Variants in DHFR2 observed in about 807,000 individuals in gnomAD.
DHFR2 encodes the protein dihydrofolate reductase 2.
A neutral mutation model predicts 12.0 loss-of-function variants in DHFR2; 11 were observed. The ratio of observed to expected loss-of-function variants is 0.92; its 90% CI spans 0.58 to 1.52. DHFR2 has a LOEUF of 1.52. Among genes scored for constraint, DHFR2 ranks in the 40% most tolerant of loss-of-function variants. DHFR2 has a pLI of 0.00. For missense variants in DHFR2, 188 were observed against 221.2 expected, an observed-to-expected ratio of 0.85 and a Z score of 0.95; for synonymous variants, 87 against 79.6, an observed-to-expected ratio of 1.09 and a Z score of -0.49.
rs934082720 is a variant in DHFR2 at position 94,062,741 on chromosome 3, C to G, written c.-96+5G>C. Reference sequence around the variant, plus strand: ...CTCAAACTTCTGCCCAAGCGATCCTCCCACCTCAGCATCCGCAGAAGCAGG... The same window carrying G: ...CTCAAACTTCTGCCCAAGCGATCCTGCCACCTCAGCATCCGCAGAAGCAGG... On this transcript the variant is annotated splice_donor_5th_base_variant and intron_variant, in intron 1 of 1. Coordinates refer to ENST00000314636, the MANE Select transcript of DHFR2 (RefSeq NM_176815.5). The G allele has an allele frequency of 1.1e-5, 3 of 280,868 alleles. No individual in the cohort carries two copies. Among genetic ancestry groups the G allele is most frequent in the African/African-American group, 6.4e-5 (3 of 46,546 alleles). 17.4% of individuals were successfully genotyped at this position (280,868 alleles called of 1,614,324 possible). A position where few individuals can be genotyped will look rare whatever the true frequency, so the allele number is the denominator to read the frequency against.
Position 94,061,018 on chromosome 3 carries a change from C to G in DHFR2, c.494G>C (p.Gly165Ala). 1 of 1,613,838 alleles carries G rather than the reference C, an allele frequency of 6.2e-7. No individual in the cohort carries two copies. The highest frequency in any genetic ancestry group is 1.1e-5 in the South Asian group (1 of 91,072). The change falls in exon 2 of 2, where the codon GGT becomes GCT. Residue 165 changes from glycine (G) to alanine (A), a missense_variant. By Grantham distance (60) the Gly-to-Ala change is moderately conservative. Coordinates refer to ENST00000314636, the MANE Select transcript of DHFR2 (RefSeq NM_176815.5). ...CCCCTCCTGGACATCAGAGAGAACA[C>G]CTGGGTATTCAGGCAGAAGTTTATA... ...EKYKLLPEYP[G>A]VLSDVQEGKH...
rs2077155960 is a variant in DHFR2, at chr3:94,058,628, T to C, written c.*2320A>G. The C allele has an allele frequency of 6.5e-6, 1 of 153,098 alleles. No individual in the cohort carries two copies. Among genetic ancestry groups the C allele is most frequent in the South Asian group, 2.1e-4 (1 of 4,840 alleles). 9.5% of individuals were successfully genotyped at this position (153,098 alleles called of 1,614,324 possible). A position where few individuals can be genotyped will look rare whatever the true frequency, so the allele number is the denominator to read the frequency against. Reference sequence around the variant, plus strand: ...ATTATGACTATGTACATATTGCCCATTGTTGAGAAAAACAGCGTATGATGC... The same window carrying C: ...ATTATGACTATGTACATATTGCCCACTGTTGAGAAAAACAGCGTATGATGC... On this transcript the variant is annotated 3_prime_UTR_variant, in exon 2 of 2. Coordinates refer to ENST00000314636, the MANE Select transcript of DHFR2 (RefSeq NM_176815.5).
Position 94,062,766 on chromosome 3 carries a change from G to C in DHFR2, c.-116C>G. On this transcript the variant is annotated 5_prime_UTR_variant, in exon 1 of 2. Transcript: ENST00000314636. ...CCCACCTCAGCATCCGCAGAAGCAG[G>C]GGCCGCACAGGCGCGCAGATGTGTG... 7.1e-6 allele frequency: 2 copies of C among 283,156 alleles called. No individual in the cohort carries two copies. Among genetic ancestry groups the C allele is most frequent in the East Asian group, 1.4e-4 (2 of 14,162 alleles). The allele number at this position is 283,156 out of a possible 1,614,324, so 17.5% of individuals were successfully genotyped here.
chr3:94,061,708 A>G (rs112021321), intron 1 of DHFR2, 102 bp from the exon 2 acceptor site: 3 of 707,030 alleles, frequency 4.2e-6, no homozygotes, highest in South Asian at 6.6e-5. Flanking sequence ...GTATAAATTT[A>G]TAAAATATTT....
At position 94,061,439 on chromosome 3, in the gene DHFR2, T is replaced by C; in HGVS notation, c.73A>G (p.Arg25Gly). The change falls in exon 2 of 2, where the codon AGG becomes GGG. Residue 25 changes from arginine to glycine, a missense_variant. By Grantham distance (125) the Arg-to-Gly change is moderately radical. Coordinates refer to ENST00000314636, the MANE Select transcript of DHFR2 (RefSeq NM_176815.5). Reference protein sequence around the residue: ...MGIGKNGDLPRPPLRNEFRYF... With the variant: ...MGIGKNGDLPGPPLRNEFRYF... ...CTGAATTCATTCCTGAGCGGCGGCC[T>C]GGGCAGGTCCCCGTTCTTGCCGATG... 1 of 1,614,158 alleles carries C rather than the reference T, an allele frequency of 6.2e-7. No homozygotes were observed.
At chr3:94,063,173 G>T, upstream of DHFR2, 1 of 1,612,690 alleles carries the variant, frequency 6.2e-7, no homozygotes, top group Non-Finnish European at 8.5e-7. Context: ...ACCTCTATCT[G>T]AATGAGACGC....
chr3:94,061,225 T>G lies in DHFR2; in HGVS notation c.287A>C (p.Asp96Ala), dbSNP rs750546781. The change falls in exon 2 of 2, where the codon GAT (aspartate) becomes GCT (alanine). Residue 96 changes from aspartate to alanine, a missense_variant. Coordinates refer to ENST00000314636, the MANE Select transcript of DHFR2 (RefSeq NM_176815.5). ...TGGTCGTTCAGTAAGTTTTAAGGCA[T>G]CATCCAAACTTCTGGCAAGAAAATG... ...GAHFLARSLD[D>A]ALKLTERPEL... The G allele has an allele frequency of 1.2e-6, 2 of 1,614,048 alleles. No individual in the cohort carries two copies. The highest frequency in any genetic ancestry group is 1.7e-6 in the Non-Finnish European group (2 of 1,179,880).
Position 94,061,456 on chromosome 3 carries a change from T to C in DHFR2, c.56A>G (p.Lys19Arg). Residue 19 changes from lysine to arginine, a missense_variant, in exon 2 of 2, where the codon AAG becomes AGG. Coordinates refer to ENST00000314636, the MANE Select transcript of DHFR2 (RefSeq NM_176815.5). The part of the protein sequence containing the change: ...VAVSQNMGIG[K>R]NGDLPRPPLR... The stretch of plus-strand genomic sequence containing the variant: ...CGGCGGCCTGGGCAGGTCCCCGTTC[T>C]TGCCGATGCCCATGTTTTGGGACAC... The C allele has an allele frequency of 6.2e-7, 1 of 1,614,198 alleles. No homozygotes were observed. The highest frequency in any genetic ancestry group is 8.5e-7 in the Non-Finnish European group (1 of 1,180,042).
Position 94,058,701 on chromosome 3 carries a change from C to G in DHFR2, c.*2247G>C, listed in dbSNP as rs2107223769. On this transcript the variant is annotated 3_prime_UTR_variant, in exon 2 of 2. Coordinates refer to ENST00000314636, the MANE Select transcript of DHFR2 (RefSeq NM_176815.5). ...CTTCCTGCCCTAGAATTAATTATTG[C>G]CTAACCAACCCTTCCCCCTTGTTTT... 6.4e-6 allele frequency: 1 copy of G among 155,978 alleles called. No homozygotes were observed. The highest frequency in any genetic ancestry group is 1.4e-5 in the Non-Finnish European group (1 of 70,892). 9.7% of individuals were successfully genotyped at this position (155,978 alleles called of 1,614,324 possible).
Position 94,062,904 on chromosome 3 carries a change from A to C in DHFR2, c.-254T>G. ...TGGGAAGTATCAGCCTTTACCAGCT[A>C]CCGGAAGTAACTGCGCACGAAATCT... On this transcript the variant is annotated 5_prime_UTR_variant, in exon 1 of 2. Coordinates refer to ENST00000314636, the MANE Select transcript of DHFR2 (RefSeq NM_176815.5). The C allele has an allele frequency of 7.4e-6, 4 of 543,782 alleles. No homozygotes were observed. The highest frequency in any genetic ancestry group is 2.3e-5 in the South Asian group (1 of 43,176). The allele number at this position is 543,782 out of a possible 1,614,324, so 33.7% of individuals were successfully genotyped here. A position where few individuals can be genotyped will look rare whatever the true frequency, so the allele number is the denominator to read the frequency against.
chr3:94,063,075 T>C (rs2077186841), upstream of DHFR2: 1 of 1,612,202 alleles, frequency 6.2e-7, no homozygotes, highest in Admixed American at 1.7e-5. Flanking sequence ...CCCTGGAGGC[T>C]TTTTGATACT....
At position 94,059,969 on chromosome 3, in the gene DHFR2, T is replaced by C. The variant is rs1184799243; in HGVS notation, c.*979A>G. ...CACCCAGGAGCCTGAGGCAGGAGAA[T>C]TGCTTGAACCTGGGAAGGCTGAAGT... On this transcript the variant is annotated 3_prime_UTR_variant, in exon 2 of 2. Coordinates refer to ENST00000314636, the MANE Select transcript of DHFR2 (RefSeq NM_176815.5). 1 of 151,912 alleles carries C rather than the reference T, an allele frequency of 6.6e-6. No individual in the cohort carries two copies. Among genetic ancestry groups the C allele is most frequent in the Non-Finnish European group, 1.5e-5 (1 of 68,044 alleles). The allele number at this position is 151,912 out of a possible 1,614,324, so 9.4% of individuals were successfully genotyped here.
In DHFR2 at chr3:94,061,623, A is replaced by C. The variant is rs1576075861; in HGVS notation, c.-95-17T>G. 1 of 1,494,538 alleles carries C rather than the reference A, an allele frequency of 6.7e-7. No individual in the cohort carries two copies. Among genetic ancestry groups the C allele is most frequent in the East Asian group, 2.3e-5 (1 of 42,604 alleles). 92.6% of individuals were successfully genotyped at this position (1,494,538 alleles called of 1,614,324 possible). A position where few individuals can be genotyped will look rare whatever the true frequency, so the allele number is the denominator to read the frequency against. On this transcript the variant is annotated splice_polypyrimidine_tract_variant and intron_variant, in intron 1 of 1. Transcript: ENST00000314636. ...TTTACGTGCCTACATTGCAAATACA[A>C]TACCACTGTATTAATTAATTGCAAC...
chr3:94,062,961 T>C (rs757957801), upstream of DHFR2: 3 of 720,346 alleles, frequency 4.2e-6, no homozygotes, highest in South Asian at 1.7e-5. Flanking sequence ...CGACAAGAAT[T>C]CTATAGCGCG....
intron 1 of DHFR2, among the ~76,000 whole-genome samples, chr3:94,062,540 G>C (rs560584940): frequency 6.6e-6 from 1 of 152,300 alleles, no homozygotes; most frequent in Admixed American, 6.5e-5. Context: ...GCTTCGCTTT[G>C]AGAATATTTT....
At position 94,061,351 on chromosome 3, in the gene DHFR2, C is replaced by T; in HGVS notation, c.161G>A (p.Gly54Asp). The T allele has an allele frequency of 6.2e-7, 1 of 1,614,140 alleles. No homozygotes were observed. The highest frequency in any genetic ancestry group is 1.1e-5 in the South Asian group (1 of 91,080). Reference sequence around the variant, plus strand: ...AGGAATGGAGAACCAGGTCTTCCTACCCATAATCACCAGATTCTGTTTACC... The same window carrying T: ...AGGAATGGAGAACCAGGTCTTCCTATCCATAATCACCAGATTCTGTTTACC... Reference protein sequence around the residue: ...VEGKQNLVIMGRKTWFSIPEK... With the variant: ...VEGKQNLVIMDRKTWFSIPEK... Residue 54 changes from glycine to aspartate, a missense_variant, in exon 2 of 2, where the codon GGT becomes GAT. Transcript: ENST00000314636.
In DHFR2 at chr3:94,058,804, C is replaced by T. The variant is rs965019240; in HGVS notation, c.*2144G>A. On this transcript the variant is annotated 3_prime_UTR_variant, in exon 2 of 2. Transcript: ENST00000314636. ...CAAATGCCCCAAATCTGGCAATAACCTATTATTTTTAAGAGAAGGGATCTC... is the reference window on the plus strand; with the variant it reads ...CAAATGCCCCAAATCTGGCAATAACTTATTATTTTTAAGAGAAGGGATCTC... 1 of 157,288 alleles carries T rather than the reference C, an allele frequency of 6.4e-6. No individual in the cohort carries two copies. Among genetic ancestry groups the T allele is most frequent in the Non-Finnish European group, 1.4e-5 (1 of 72,256 alleles). 9.7% of individuals were successfully genotyped at this position (157,288 alleles called of 1,614,324 possible).
chr3:94,062,300 T>C (rs934211954), intron 1 of DHFR2, among the ~76,000 whole-genome samples: 3 of 152,156 alleles, frequency 2.0e-5, no homozygotes, highest in African/African-American at 4.8e-5. Flanking sequence ...GTGAAAATAA[T>C]AGCAGCTAAC....
At chr3:94,063,230 A>T (rs2077188610), upstream of DHFR2, 2 of 1,264,670 alleles carry the variant, frequency 1.6e-6, no homozygotes, top group Non-Finnish European at 2.3e-6. Context: ...GGATGGGGGA[A>T]CATCACCTTT....
Sources: allele counts gnomAD v4.1 joint callset (sites outside exome capture counted in the v4.1 genomes callset), GRCh38; gene constraint gnomAD v4.1.1; transcripts MANE v1.5; gene names NCBI Gene and HGNC (gene_info 2026-07-23, HGNC 2026-07-21).